EHD1: variants seen among roughly 807,000 people sequenced by gnomAD.
The protein encoded by EHD1 is EH domain containing 1.
Under a neutral mutation model 39.0 loss-of-function variants are expected in EHD1, and 19 were observed. The ratio of observed to expected loss-of-function variants is 0.49; its 90% CI spans 0.34 to 0.72. The LOEUF (loss-of-function observed/expected upper bound fraction) is 0.72, where lower values mean the gene tolerates loss of function less well. EHD1 is among the 30% of genes least tolerant of loss of function. The probability of loss-of-function intolerance (pLI) is 0.01; values close to 1 mark genes in which losing one functional copy is unlikely to be tolerated. For synonymous variants in EHD1, 323 were observed against 331.2 expected (o/e 0.98, Z 0.27); for missense variants, 542 against 751.5 (o/e 0.72, Z 3.26).
Position 64,855,302 on chromosome 11 carries a change from G to C in EHD1, c.1080+20C>G. 6.2e-7 allele frequency: 1 copy of C among 1,611,068 alleles called. No homozygotes were observed. Among genetic ancestry groups the C allele is most frequent in the African/African-American group, 1.3e-5 (1 of 74,894 alleles). ...GCCCTGATGGCCACCAGCCTGCATG[G>C]GGCCTCGGGACAGCCGTACCTGCAT... On this transcript the variant is annotated intron_variant, in intron 4 of 4. Coordinates refer to ENST00000320631, the MANE Select transcript of EHD1 (RefSeq NM_006795.4).
At chr11:64,859,100 C>T (rs997585289) in intron 3 of EHD1, among the ~76,000 whole-genome samples, 1 of 152,342 alleles carries the variant, frequency 6.6e-6, no homozygotes, top group Non-Finnish European at 1.5e-5. Context: ...AGCCTGTGCT[C>T]GCTCCGAGAC....
At chr11:64,862,866 C>G (rs999689453) in intron 2 of EHD1, among the ~76,000 whole-genome samples, 1 of 152,288 alleles carries the variant, frequency 6.6e-6, no homozygotes, top group African/African-American at 2.4e-5. Flanking sequence ...AGAGCGACAC[C>G]CTGTCTCAAA....
At chr11:64,878,030 C>T in intron 1 of EHD1, 31 bp downstream of exon 1, 1 of 1,480,842 alleles carries the variant, frequency 6.8e-7, no homozygotes, top group Middle Eastern at 2.0e-4. Flanking sequence ...CCCGGACGCG[C>T]CCCCCGCCCC....
chr11:64,878,768 T>G, upstream of EHD1: 4 of 1,149,656 alleles, frequency 3.5e-6, no homozygotes, highest in Non-Finnish European at 2.2e-6. Flanking sequence ...CGTCTTCCCC[T>G]ACCCCGCCCC....
Position 64,878,550 on chromosome 11 carries a change from G to T in EHD1, c.-86C>A. 6.8e-7 allele frequency: 1 copy of T among 1,473,350 alleles called. No individual in the cohort carries two copies. 91.3% of individuals were successfully genotyped at this position (1,473,350 alleles called of 1,614,324 possible). A position where few individuals can be genotyped will look rare whatever the true frequency, so the allele number is the denominator to read the frequency against. ...TGCGGAGCCGAGGCGGGGCCGGCCG[G>T]GGCAGGGAATCGGGAGCGACCCACA... On this transcript the variant is annotated 5_prime_UTR_variant, in exon 1 of 5. Transcript: ENST00000320631.
chr11:64,862,114 ATG>A (rs1164588752), intron 2 of EHD1, among the ~76,000 whole-genome samples: 1 of 152,044 alleles, frequency 6.6e-6, no homozygotes, highest in African/African-American at 2.4e-5. Context: ...GGGTCTCACT[ATG>A]TTGTCTATGC....
At chr11:64,879,564 C>T (rs756229379), upstream of EHD1, 30 of 1,549,590 alleles carry the variant, frequency 1.9e-5, 1 homozygote, top group South Asian at 3.6e-4. Flanking sequence ...CTCGGGGTCA[C>T]CACCATTTAC....
intron 2 of EHD1, among the ~76,000 whole-genome samples, chr11:64,867,662 G>A (rs974756644): frequency 6.6e-6 from 1 of 152,170 alleles, no homozygotes; most frequent in African/African-American, 2.4e-5. Flanking sequence ...AGGTTGCAGT[G>A]GGCCGAGATT....
intron 2 of EHD1, 139 bp from the exon 3 acceptor site, chr11:64,860,475 C>T: frequency 8.0e-7 from 1 of 1,244,280 alleles, no homozygotes; most frequent in South Asian, 1.6e-5. Flanking sequence ...TGGCTCACGC[C>T]TGTAATCCCA....
Position 64,854,160 on chromosome 11 carries a change from TC to T in EHD1, c.*172del. The stretch of plus-strand genomic sequence containing the variant: ...ACAATTCCATCCTCTCACCCCTGCC[TC>T]CCCCGCCAGGCCCAGGAACAGCCTT... On this transcript the variant is annotated 3_prime_UTR_variant, in exon 5 of 5. Transcript: ENST00000320631. 1 of 1,133,132 alleles carries T rather than the reference TC, an allele frequency of 8.8e-7. No homozygotes were observed. Among genetic ancestry groups the T allele is most frequent in the Non-Finnish European group, 1.2e-6 (1 of 824,530 alleles). 70.2% of individuals were successfully genotyped at this position (1,133,132 alleles called of 1,614,324 possible).
chr11:64,879,576 A>G (rs1273471888), upstream of EHD1: 1 of 1,550,762 alleles, frequency 6.4e-7, no homozygotes, highest in South Asian at 1.2e-5. Flanking sequence ...ACCATTTACC[A>G]TCATTTACTG....
chr11:64,863,737 C>G (rs374144499), intron 2 of EHD1, among the ~76,000 whole-genome samples: 2 of 152,240 alleles, frequency 1.3e-5, no homozygotes, highest in African/African-American at 4.8e-5. Context: ...AGAAGGAACT[C>G]GGGCCACTAA....
intron 2 of EHD1, among the ~76,000 whole-genome samples, chr11:64,861,809 G>A (rs61458234): frequency 0.066 from 10,030 of 152,198 alleles, 473 homozygotes; most frequent in African/African-American, 0.12. Flanking sequence ...GAAGTGCTAC[G>A]AACCACTTCC....
At chr11:64,861,479 G>A (rs368233998) in intron 2 of EHD1, among the ~76,000 whole-genome samples, 97 of 152,270 alleles carry the variant, frequency 6.4e-4, no homozygotes, top group African/African-American at 2.2e-3. Context: ...GACAAGAGGC[G>A]CCTGCAAAAG....
At chr11:64,873,794 A>G (rs1437522639) in intron 2 of EHD1, among the ~76,000 whole-genome samples, 1 of 150,956 alleles carries the variant, frequency 6.6e-6, no homozygotes, top group Non-Finnish European at 1.5e-5. Flanking sequence ...CTCCTGCCTC[A>G]GCCTCCCGAG....
Position 64,860,019 on chromosome 11 carries a change from C to T in EHD1, c.820G>A (p.Glu274Lys), listed in dbSNP as rs1237944390. ...ATGTCCTTGAAGAGGTCCTGCTCCT[C>T]GGCCTCAAAGAGCTTGCGGTTGTCG... Reference protein sequence around the residue: ...IPDNRKLFEAEEQDLFKDIQS... With the variant: ...IPDNRKLFEAKEQDLFKDIQS... Residue 274 changes from glutamate to lysine, a missense_variant, in exon 3 of 5, where the codon GAG becomes AAG. Transcript: ENST00000320631. The T allele has an allele frequency of 5.0e-6, 8 of 1,613,970 alleles. No individual in the cohort carries two copies. The highest frequency in any genetic ancestry group is 2.2e-5 in the East Asian group (1 of 44,874).
chr11:64,879,017 C>G, upstream of EHD1: 1 of 996,626 alleles, frequency 1.0e-6, no homozygotes, highest in Non-Finnish European at 1.2e-6. Context: ...TGACTACGCG[C>G]CGCGCCCGCC....
rs536508120 is a variant in EHD1, at chr11:64,878,548, C to A, written c.-84G>T. The A allele has an allele frequency of 4.7e-6, 7 of 1,474,576 alleles. No individual in the cohort carries two copies. The African/African-American group carries it at 8.4e-5, about 18-fold the overall frequency. The allele number at this position is 1,474,576 out of a possible 1,614,324, so 91.3% of individuals were successfully genotyped here. A position where few individuals can be genotyped will look rare whatever the true frequency, so the allele number is the denominator to read the frequency against. ...GGTGCGGAGCCGAGGCGGGGCCGGC[C>A]GGGGCAGGGAATCGGGAGCGACCCA... On this transcript the variant is annotated 5_prime_UTR_variant, in exon 1 of 5. Transcript: ENST00000320631.
At chr11:64,872,801 A>G (rs923586806) in intron 2 of EHD1, among the ~76,000 whole-genome samples, 6 of 152,214 alleles carry the variant, frequency 3.9e-5, no homozygotes, top group Non-Finnish European at 4.4e-5. Context: ...CTCAGCTCCA[A>G]GAACAGAGTC....
Sources: gnomAD v4.1 joint callset for allele counts (sites outside exome capture counted in the v4.1 genomes callset) on GRCh38, gnomAD v4.1.1 for gene constraint, MANE v1.5 for transcripts, NCBI Gene and HGNC (gene_info 2026-07-23, HGNC 2026-07-21) for gene names.